Variants in JAKMIP1 observed in about 807,000 individuals in gnomAD.
JAKMIP1 encodes the protein janus kinase and microtubule-interacting protein 1.
A neutral mutation model predicts 113.0 loss-of-function variants in JAKMIP1; 33 were observed. The ratio of observed to expected loss-of-function variants is 0.29; its 90% CI spans 0.22 to 0.39. The LOEUF (loss-of-function observed/expected upper bound fraction) is 0.39, where lower values mean the gene tolerates loss of function less well. Ranked by LOEUF, JAKMIP1 falls within the 10% of genes least tolerant of loss-of-function variation. The probability of loss-of-function intolerance (pLI) is 1.00; values close to 1 mark genes in which losing one functional copy is unlikely to be tolerated. For missense variants in JAKMIP1, 813 were observed against 1,080.5 expected (o/e 0.75, Z 3.47); for synonymous variants, 480 against 459.9 (o/e 1.04, Z -0.56).
intron 3 of JAKMIP1, among the ~76,000 whole-genome samples, chr4:6,087,529 A>C (rs1364904179): frequency 2.0e-5 from 3 of 152,192 alleles, no homozygotes; most frequent in Non-Finnish European, 4.4e-5. Flanking sequence ...AAAACTGAAA[A>C]AAATAACATA....
In JAKMIP1 at chr4:6,140,406, C is replaced by T. The variant is rs1041722675; in HGVS notation, c.-147-27409G>A. 6.6e-6 allele frequency among the ~76,000 whole-genome samples: 1 copy of T among 152,112 alleles called. No homozygotes were observed. The highest frequency in any genetic ancestry group is 1.5e-5 in the Non-Finnish European group (1 of 68,034). On this transcript the variant is annotated intron_variant, in intron 1 of 20. Transcript: ENST00000409021. The surrounding 1 kb of genome is among the most constrained non-coding windows in gnomAD (Gnocchi z 9.4). ...AGCAGGAGCACTGTCCCTGTTCCCCCAAAAGGCCCACCACAGACCCACCCC... is the reference window on the plus strand; with the variant it reads ...AGCAGGAGCACTGTCCCTGTTCCCCTAAAAGGCCCACCACAGACCCACCCC...
chr4:6,087,998 A>T (rs779221670), intron 3 of JAKMIP1, among the ~76,000 whole-genome samples: 146 of 152,238 alleles, frequency 9.6e-4, no homozygotes, highest in Middle Eastern at 3.2e-3. Flanking sequence ...ATCTTTAAAC[A>T]TGCTGAAAAC....
chr4:6,066,730 C>T (rs1718143540), intron 8 of JAKMIP1, among the ~76,000 whole-genome samples: 2 of 152,108 alleles, frequency 1.3e-5, no homozygotes, highest in Admixed American at 1.3e-4. Context: ...CCCTCTCTCC[C>T]CCTCTCTCCA....
rs1468492383 is a variant in JAKMIP1, at chr4:6,050,745, C to T, written c.1807-66G>A. On this transcript the variant is annotated intron_variant, in intron 13 of 20. Transcript: ENST00000409021. The surrounding 1 kb of genome is among the most constrained non-coding windows in gnomAD (Gnocchi z 7.4). ...TTATTTACCACTTGCCATTTTCCCA[C>T]GTTACTCAGCAAAAACCAAGGAATT... 7 of 1,308,062 alleles carry T rather than the reference C, an allele frequency of 5.4e-6. No homozygotes were observed. Among genetic ancestry groups the T allele is most frequent in the Middle Eastern group, 1.8e-4 (1 of 5,442 alleles). The allele number at this position is 1,308,062 out of a possible 1,614,324, so 81.0% of individuals were successfully genotyped here.
chr4:6,105,674 G>A lies in JAKMIP1; in HGVS notation c.423C>T (p.Arg141=). 10 of 1,602,868 alleles carry A rather than the reference G, an allele frequency of 6.2e-6. No individual in the cohort carries two copies. The highest frequency in any genetic ancestry group is 7.6e-6 in the Non-Finnish European group (9 of 1,176,738). ...ALLTEAREEA[R]RAFDGERLRL... ...GCAGGCGCTCTCCATCGAAGGCCCT[G>A]CGCGCCTCCTCGCGCGCCTCGGTCA... Residue 141 remains arginine (R), a synonymous_variant, in exon 3 of 21, where the codon CGC becomes CGT. Transcript: ENST00000409021.
Position 6,081,117 on chromosome 4 carries a change from A to T in JAKMIP1, c.1101+492T>A, listed in dbSNP as rs1015427367. ...GATACTACTCTGAACAATGAACCTGAAATCATTCTGTAAACTGTCAACTAC... is the reference window on the plus strand; with the variant it reads ...GATACTACTCTGAACAATGAACCTGTAATCATTCTGTAAACTGTCAACTAC... On this transcript the variant is annotated intron_variant, in intron 6 of 20. Transcript: ENST00000409021. This position sits in a 1 kb window ranked among gnomAD's most constrained non-coding sequence, Gnocchi z 4.6. Among the ~76,000 whole-genome samples, 4 of 152,104 alleles carry T rather than the reference A, an allele frequency of 2.6e-5. No individual in the cohort carries two copies. Among genetic ancestry groups the T allele is most frequent in the African/African-American group, 9.7e-5 (4 of 41,398 alleles).
rs764545612 is a variant in JAKMIP1 at position 6,094,962 on chromosome 4, C to T, written c.625-9333G>A. Among the ~76,000 whole-genome samples, 34 of 149,400 alleles carry T rather than the reference C, an allele frequency of 2.3e-4. No individual in the cohort carries two copies. Among genetic ancestry groups the T allele is most frequent in the Middle Eastern group, 7.0e-3 (2 of 286 alleles). On this transcript the variant is annotated intron_variant, in intron 3 of 20. Transcript: ENST00000409021. The surrounding 1 kb of genome is among the most constrained non-coding windows in gnomAD (Gnocchi z 4.2). ...TTGCACCACTGCACTCCAGCCTGGG[C>T]GACAGAGCAAGACCCTGTCAAAAAA...
intron 1 of JAKMIP1, among the ~76,000 whole-genome samples, chr4:6,198,981 C>A (rs537643113): frequency 6.6e-6 from 1 of 152,370 alleles, no homozygotes; most frequent in South Asian, 2.1e-4. Flanking sequence ...CCCTCCTCCC[C>A]ACCTCCTCCT....
In JAKMIP1 at chr4:6,113,011, G is replaced by A. The variant is rs900601932; in HGVS notation, c.-147-14C>T. The stretch of plus-strand genomic sequence containing the variant: ...TCACTTGGGATCCTGAAGGAAGGAG[G>A]GAAACTGAGTTAGCAGAGACAGAAG... On this transcript the variant is annotated splice_polypyrimidine_tract_variant and intron_variant, in intron 1 of 20. Coordinates refer to ENST00000409021, the MANE Select transcript of JAKMIP1 (RefSeq NM_001099433.2). 2.6e-6 allele frequency: 3 copies of A among 1,135,574 alleles called. No homozygotes were observed. Among genetic ancestry groups the A allele is most frequent in the Non-Finnish European group, 3.6e-6 (3 of 830,290 alleles). 70.3% of individuals were successfully genotyped at this position (1,135,574 alleles called of 1,614,324 possible).
chr4:6,026,397 G>A, intron 20 of JAKMIP1, 119 bp from the exon 21 acceptor site: 1 of 639,810 alleles, frequency 1.6e-6, no homozygotes, highest in Non-Finnish European at 2.8e-6. Flanking sequence ...ACACTGAGTT[G>A]TTGGGTTCGG....
At chr4:6,098,568 A>AAGAAAGAAAGAAAGAAAG (rs779536102) in intron 3 of JAKMIP1, among the ~76,000 whole-genome samples, 3,191 of 35,342 alleles carry the variant, frequency 0.09, 81 homozygotes, top group Non-Finnish European at 0.13. Flanking sequence ...GAAAGAAAGA[A>AAGAAAGAAAGAAAGAAAG]AGAAAGAAAG....
At position 6,199,183 on chromosome 4, in the gene JAKMIP1, G is replaced by C. The variant is rs868098626; in HGVS notation, c.-148+1070C>G. Among the ~76,000 whole-genome samples, 1 of 152,266 alleles carries C rather than the reference G, an allele frequency of 6.6e-6. No individual in the cohort carries two copies. The highest frequency in any genetic ancestry group is 2.1e-4 in the South Asian group (1 of 4,832). ...GTGTGCCTGCGAGTGTGCGCAGATG[G>C]GGCGGGCGGCGGAGGAGGGCTGGCG... On this transcript the variant is annotated intron_variant, in intron 1 of 20. Transcript: ENST00000409021. The surrounding 1 kb of genome is among the most constrained non-coding windows in gnomAD (Gnocchi z 5.6).
chr4:6,168,112 C>T lies in JAKMIP1; in HGVS notation c.-148+32141G>A, dbSNP rs1009485270. Among the ~76,000 whole-genome samples the T allele has an allele frequency of 2.0e-5, 3 of 152,184 alleles. No individual in the cohort carries two copies. The highest frequency in any genetic ancestry group is 4.4e-5 in the Non-Finnish European group (3 of 68,042). On this transcript the variant is annotated intron_variant, in intron 1 of 20. Transcript: ENST00000409021. This position sits in a 1 kb window ranked among gnomAD's most constrained non-coding sequence, Gnocchi z 4.6. ...AGACGGCACCACACACCACCCAGGA[C>T]GGCTGCAATCAAAAAAGCGCACAAC...
Position 6,088,489 on chromosome 4 carries a change from C to G in JAKMIP1, c.625-2860G>C, listed in dbSNP as rs138157386. 6.6e-6 allele frequency among the ~76,000 whole-genome samples: 1 copy of G among 152,320 alleles called. No homozygotes were observed. The highest frequency in any genetic ancestry group is 1.9e-4 in the East Asian group (1 of 5,178). On this transcript the variant is annotated intron_variant, in intron 3 of 20. Transcript: ENST00000409021. The surrounding 1 kb of genome is among the most constrained non-coding windows in gnomAD (Gnocchi z 5.5). ...ATCTCCAGGATCCCAAATTCTCCACCTGGAAGAGCACCAATTCCCCCTTGT... is the reference window on the plus strand; with the variant it reads ...ATCTCCAGGATCCCAAATTCTCCACGTGGAAGAGCACCAATTCCCCCTTGT...
intron 7 of JAKMIP1, among the ~76,000 whole-genome samples, chr4:6,079,411 G>C (rs979133668): frequency 6.6e-6 from 1 of 152,100 alleles, no homozygotes; most frequent in African/African-American, 2.4e-5. Context: ...AAGAGGTAGA[G>C]GGAGATGGAG....
intron 1 of JAKMIP1, among the ~76,000 whole-genome samples, chr4:6,163,457 A>G (rs1418447370): frequency 6.6e-6 from 1 of 152,172 alleles, no homozygotes; most frequent in Non-Finnish European, 1.5e-5. Context: ...GTATATGCTG[A>G]CCACTCCACT....
chr4:6,100,288 G>T (rs964885361), intron 3 of JAKMIP1, among the ~76,000 whole-genome samples: 1 of 152,146 alleles, frequency 6.6e-6, no homozygotes, highest in Non-Finnish European at 1.5e-5. Context: ...TGGATATATA[G>T]ATTTGGCTAT....
At chr4:6,172,797 C>T (rs960169225) in intron 1 of JAKMIP1, among the ~76,000 whole-genome samples, 2 of 152,118 alleles carry the variant, frequency 1.3e-5, no homozygotes, top group Non-Finnish European at 2.9e-5. Context: ...GCCCAAGATG[C>T]CCCACCCTGC....
intron 3 of JAKMIP1, among the ~76,000 whole-genome samples, chr4:6,101,424 C>A (rs894490255): frequency 2.6e-5 from 4 of 152,112 alleles, no homozygotes; most frequent in Non-Finnish European, 5.9e-5. Context: ...GTTCCATTGA[C>A]GTGTCTCTCT....
Sources: allele counts gnomAD v4.1 joint callset (sites outside exome capture counted in the v4.1 genomes callset), GRCh38; gene constraint gnomAD v4.1.1; non-coding constraint Gnocchi (gnomAD v3.1); transcripts MANE v1.5; gene names NCBI Gene and HGNC (gene_info 2026-07-23, HGNC 2026-07-21).